The following KLF12 variants were observed in gnomAD, a reference collection of about 807,000 sequenced individuals.
KLF12 encodes the protein Krueppel-like factor 12.
In KLF12, 9 loss-of-function variants were observed where a neutral mutation model predicts 37.8. The observed-to-expected ratio is 0.24, with a 90% CI of 0.14 to 0.42. The LOEUF is 0.42. KLF12 is among the 10% of genes least tolerant of loss of function. The pLI is 1.00. For missense variants in KLF12, 411 were observed against 516.0 expected, an observed-to-expected ratio of 0.80 and a Z score of 1.97; for synonymous variants, 208 against 202.1, an observed-to-expected ratio of 1.03 and a Z score of -0.25.
At chr13:73,977,072 AC>A (rs1891548003) in intron 2 of KLF12, among the ~76,000 whole-genome samples, 1 of 148,864 alleles carries the variant, frequency 6.7e-6, no homozygotes, top group African/African-American at 2.5e-5. Flanking sequence ...TTTTTTTGAG[AC>A]AGGATCTTAC....
the KLF12 span, among the ~76,000 whole-genome samples, chr13:74,247,236 G>A: frequency 1.3e-5 from 2 of 152,202 alleles, no homozygotes; most frequent in African/African-American, 2.4e-5. Flanking sequence ...GATGGGTTCA[G>A]ATTGTTTTGA....
At chr13:73,916,937 T>C (rs573579955) in intron 3 of KLF12, among the ~76,000 whole-genome samples, 4 of 152,286 alleles carry the variant, frequency 2.6e-5, no homozygotes, top group South Asian at 4.1e-4. Flanking sequence ...GTAAAAAACA[T>C]ATTCAAAGCA....
intron 1 of KLF12, among the ~76,000 whole-genome samples, chr13:74,126,453 AT>A (rs990220876): frequency 3.3e-5 from 5 of 151,938 alleles, no homozygotes; most frequent in Admixed American, 2.6e-4. Context: ...GTTCTATTTC[AT>A]TTTTTTCACA....
chr13:73,749,528 C>CT (rs982159660), intron 6 of KLF12, among the ~76,000 whole-genome samples: 5 of 152,088 alleles, frequency 3.3e-5, no homozygotes, highest in Non-Finnish European at 7.4e-5. Context: ...GGGGGTGATG[C>CT]TTTTTTATTG....
rs201423665 is a variant in KLF12, at chr13:73,846,221, G to A, written c.276C>T (p.Ser92=). 45 of 1,614,014 alleles carry A rather than the reference G, an allele frequency of 2.8e-5. No individual in the cohort carries two copies. The highest frequency in any genetic ancestry group is 2.0e-5 in the Non-Finnish European group (24 of 1,180,030). Residue 92 remains serine (S), a synonymous_variant, in exon 4 of 8, where the codon TCC becomes TCT. Coordinates refer to ENST00000377669, the MANE Select transcript of KLF12 (RefSeq NM_007249.5). ...CTGGGGAGGATGAAACGGCAGTAGG[G>A]GACGTCCTGGCTTTGTTTATTGACA... is the stretch of plus-strand genomic sequence containing the variant.
chr13:73,847,810 G>C (rs965564156), intron 3 of KLF12, among the ~76,000 whole-genome samples: 1 of 151,892 alleles, frequency 6.6e-6, no homozygotes, highest in Non-Finnish European at 1.5e-5. Flanking sequence ...TCTTTTCAAA[G>C]ACATTTAAAA....
the KLF12 span, among the ~76,000 whole-genome samples, chr13:74,218,962 GTTTTT>G: frequency 8.3e-6 from 1 of 120,170 alleles, no homozygotes; most frequent in Non-Finnish European, 1.8e-5. Context: ...AAAAATAAGA[GTTTTT>G]TTTTTTTTTT....
the KLF12 span, among the ~76,000 whole-genome samples, chr13:74,263,964 T>C: frequency 6.6e-6 from 1 of 152,178 alleles, no homozygotes; most frequent in Non-Finnish European, 1.5e-5. Flanking sequence ...TTGACTAATA[T>C]GAAAGTTGGT....
intron 5 of KLF12, among the ~76,000 whole-genome samples, chr13:73,778,199 A>G (rs1880742441): frequency 6.6e-6 from 1 of 152,184 alleles, no homozygotes; most frequent in African/African-American, 2.4e-5. Flanking sequence ...CAAAGGAGCC[A>G]ATGGAAAAGG....
At chr13:73,712,128 C>T (rs536120686) in intron 7 of KLF12, among the ~76,000 whole-genome samples, 36 of 152,012 alleles carry the variant, frequency 2.4e-4, no homozygotes, top group Admixed American at 1.9e-3. Context: ...CACCTGAGGT[C>T]GGGAGTTCGA....
chr13:74,290,047 T>C, the KLF12 span, among the ~76,000 whole-genome samples: 4 of 152,122 alleles, frequency 2.6e-5, no homozygotes, highest in Non-Finnish European at 5.9e-5. Context: ...AATTATCTCA[T>C]CAGCTTCATA....
chr13:74,225,809 A>C, the KLF12 span, among the ~76,000 whole-genome samples: 8 of 152,202 alleles, frequency 5.3e-5, no homozygotes, highest in Non-Finnish European at 7.4e-5. Context: ...TGATTTTTTC[A>C]TATGTGTCTT....
At chr13:73,963,915 A>T (rs1216017841) in intron 2 of KLF12, among the ~76,000 whole-genome samples, 1 of 152,242 alleles carries the variant, frequency 6.6e-6, no homozygotes, top group African/African-American at 2.4e-5. Context: ...AGAACTGGCA[A>T]AAAGATTGTG....
At chr13:74,237,738 C>G in the KLF12 span, among the ~76,000 whole-genome samples, 1 of 152,168 alleles carries the variant, frequency 6.6e-6, no homozygotes, top group Non-Finnish European at 1.5e-5. Context: ...ATTTGGCTCT[C>G]TGTTTGTCTG....
Position 74,107,308 on chromosome 13 carries a change from C to T in KLF12, c.-32+26431G>A, listed in dbSNP as rs1474049290. On this transcript the variant is annotated intron_variant, in intron 1 of 7. Coordinates refer to ENST00000377669, the MANE Select transcript of KLF12 (RefSeq NM_007249.5). ...TGCCTTTAGGAGGCACACATGTATT[C>T]CCAGTTCGGTTTCTAACTATTCTAG... Among the ~76,000 whole-genome samples, 3 of 152,180 alleles carry T rather than the reference C, an allele frequency of 2.0e-5. No homozygotes were observed. In the East Asian group the frequency reaches 5.8e-4, roughly 29 times the overall value.
chr13:74,234,538 TA>T, the KLF12 span, among the ~76,000 whole-genome samples: 1 of 152,240 alleles, frequency 6.6e-6, no homozygotes, highest in Non-Finnish European at 1.5e-5. Context: ...ATCCAATCTT[TA>T]ATGTATAAAG....
chr13:74,149,420 C>G, the KLF12 span, among the ~76,000 whole-genome samples: 2 of 152,120 alleles, frequency 1.3e-5, no homozygotes, highest in African/African-American at 4.8e-5. Context: ...CCACTGTTAG[C>G]TTAAAAAGCT....
chr13:74,267,018 G>A, the KLF12 span, among the ~76,000 whole-genome samples: 1 of 152,108 alleles, frequency 6.6e-6, no homozygotes, highest in Non-Finnish European at 1.5e-5. Flanking sequence ...GTCTCTTAAG[G>A]TTCAGGATAG....
intron 2 of KLF12, among the ~76,000 whole-genome samples, chr13:73,993,489 T>C (rs751645478): frequency 6.6e-6 from 1 of 152,158 alleles, no homozygotes; most frequent in African/African-American, 2.4e-5. Context: ...AAAGCTAACA[T>C]TGATCTTTTC....
Sources: allele counts gnomAD v4.1 joint callset (sites outside exome capture counted in the v4.1 genomes callset), GRCh38; gene constraint gnomAD v4.1.1; transcripts MANE v1.5; gene names NCBI Gene and HGNC (gene_info 2026-07-23, HGNC 2026-07-21).